TMEM181: variants seen among roughly 807,000 people sequenced by gnomAD.
TMEM181 encodes G protein-coupled receptor 178.
A neutral mutation model predicts 71.9 loss-of-function variants in TMEM181; 39 were observed. The observed-to-expected ratio is 0.54, with a 90% CI of 0.42 to 0.71. The LOEUF (loss-of-function observed/expected upper bound fraction) is 0.71. Ranked by LOEUF, TMEM181 falls within the 30% of genes least tolerant of loss-of-function variation. The probability of loss-of-function intolerance (pLI) is 0.00; values close to 1 mark genes in which losing one functional copy is unlikely to be tolerated. For synonymous variants in TMEM181, 245 were observed against 228.8 expected (o/e 1.07, Z -0.64); for missense variants, 595 against 583.0 (o/e 1.02, Z -0.21).
At chr6:158,536,741 G>T (rs375585407) in exon 1 of TMEM181, 19 of 1,576,462 alleles carry the variant, frequency 1.2e-5, no homozygotes, top group Non-Finnish European at 1.6e-5. Context: ...CGGCATGGAC[G>T]CCGAGTACCC....
chr6:158,626,878 A>G (rs530363836), intron 13 of TMEM181, among the ~76,000 whole-genome samples: 45 of 139,888 alleles, frequency 3.2e-4, no homozygotes, highest in South Asian at 7.0e-4. Context: ...TCACTCTCAC[A>G]CTCTCACACC....
intron 2 of TMEM181, among the ~76,000 whole-genome samples, chr6:158,578,002 ATC>A (rs1783258063): frequency 6.6e-6 from 1 of 152,194 alleles, no homozygotes; most frequent in South Asian, 2.1e-4. Flanking sequence ...AGGCAGGAGA[ATC>A]TCTTGAACCC....
intron 7 of TMEM181, 75 bp downstream of exon 7, chr6:158,605,422 G>C (rs1053163413): frequency 6.7e-6 from 9 of 1,351,804 alleles, no homozygotes; most frequent in African/African-American, 1.4e-5. Flanking sequence ...TAGGATCTTC[G>C]GTGCAAGCCA....
At chr6:158,629,429 T>C (rs1786534697) in intron 14 of TMEM181, among the ~76,000 whole-genome samples, 1 of 152,194 alleles carries the variant, frequency 6.6e-6, no homozygotes, top group South Asian at 2.1e-4. Context: ...ACTTGATCTC[T>C]TCTGGCCCTG....
intron 1 of TMEM181, among the ~76,000 whole-genome samples, chr6:158,537,097 G>T (rs1344387893): frequency 6.6e-6 from 1 of 151,906 alleles, no homozygotes; most frequent in Non-Finnish European, 1.5e-5. Context: ...ATTCAGGGCA[G>T]CCCGGCGCCC....
At chr6:158,568,077 C>T (rs1782610430) in intron 1 of TMEM181, among the ~76,000 whole-genome samples, 1 of 151,840 alleles carries the variant, frequency 6.6e-6, no homozygotes, top group African/African-American at 2.4e-5. Flanking sequence ...GACTGGCGTG[C>T]TGGGGATGAA....
intron 1 of TMEM181, among the ~76,000 whole-genome samples, chr6:158,554,900 T>C (rs887287910): frequency 3.3e-5 from 5 of 152,238 alleles, no homozygotes; most frequent in Non-Finnish European, 7.3e-5. Flanking sequence ...TTTGCCCCGA[T>C]AGGTAATCTA....
At chr6:158,627,549 C>T (rs1203828690) in intron 13 of TMEM181, among the ~76,000 whole-genome samples, 1 of 152,222 alleles carries the variant, frequency 6.6e-6, no homozygotes, top group Non-Finnish European at 1.5e-5. Context: ...CGACATTTGG[C>T]TGAGGACCTG....
chr6:158,628,188 T>TGC, intron 13 of TMEM181: 1 of 687,092 alleles, frequency 1.5e-6, no homozygotes, highest in Non-Finnish European at 2.7e-6. Flanking sequence ...CCGGTGGGTC[T>TGC]AGCCCACCTA....
chr6:158,576,757 C>G (rs1328220088), intron 2 of TMEM181, among the ~76,000 whole-genome samples: 2 of 152,112 alleles, frequency 1.3e-5, no homozygotes, highest in Non-Finnish European at 2.9e-5. Flanking sequence ...TAAGTGTCCA[C>G]TTTTAAACAA....
chr6:158,582,303 T>C (rs1039708087), intron 3 of TMEM181, among the ~76,000 whole-genome samples: 8 of 152,188 alleles, frequency 5.3e-5, no homozygotes, highest in Non-Finnish European at 1.0e-4. Context: ...GCCATTCCAC[T>C]GAACTGACTT....
At chr6:158,631,495 GCAT>G in intron 16 of TMEM181, 106 bp downstream of exon 16, 1 of 1,257,834 alleles carries the variant, frequency 8.0e-7, no homozygotes. Context: ...AGGTATGAAG[GCAT>G]TTACCTTGGA....
At position 158,594,577 on chromosome 6, in the gene TMEM181, A is replaced by C. The variant is rs149650544; in HGVS notation, c.492+4795A>C. On this transcript the variant is annotated intron_variant, in intron 6 of 16. Coordinates refer to ENST00000684151, the MANE Select transcript of TMEM181 (RefSeq NM_001376852.1). The stretch of plus-strand genomic sequence containing the variant: ...TGGATGTACTGCAGCTTGTTTGTCC[A>C]TTGGCTGAAGGACAACATCTTGGTT... 2.9e-3 allele frequency among the ~76,000 whole-genome samples: 442 copies of C among 152,326 alleles called. 3 individuals carry two copies. The highest frequency in any genetic ancestry group is 0.01 in the African/African-American group (418 of 41,576).
At chr6:158,622,718 G>C (rs1039827449) in intron 10 of TMEM181, among the ~76,000 whole-genome samples, 2 of 152,166 alleles carry the variant, frequency 1.3e-5, no homozygotes, top group Non-Finnish European at 2.9e-5. Context: ...TGACACATTC[G>C]TTTTTGCTTA....
At chr6:158,537,219 C>G (rs911254548) in intron 1 of TMEM181, among the ~76,000 whole-genome samples, 7 of 152,048 alleles carry the variant, frequency 4.6e-5, no homozygotes, top group African/African-American at 1.2e-4. Flanking sequence ...GTTCTCCCCC[C>G]GCGCCCGCCT....
intron 1 of TMEM181, among the ~76,000 whole-genome samples, chr6:158,545,067 C>G (rs745565517): frequency 6.6e-6 from 1 of 152,236 alleles, no homozygotes; most frequent in African/African-American, 2.4e-5. Context: ...TGCTGCCCAC[C>G]GCTCAGGGGC....
chr6:158,564,865 G>A (rs1782395997), intron 1 of TMEM181, among the ~76,000 whole-genome samples: 1 of 152,226 alleles, frequency 6.6e-6, no homozygotes, highest in South Asian at 2.1e-4. Context: ...GTGTGAGAAT[G>A]GGCTGGGAGA....
At chr6:158,540,962 G>A (rs1781319088) in intron 1 of TMEM181, among the ~76,000 whole-genome samples, 1 of 152,174 alleles carries the variant, frequency 6.6e-6, no homozygotes, top group Non-Finnish European at 1.5e-5. Flanking sequence ...TAGAGACGAG[G>A]TCTCACTATG....
intron 1 of TMEM181, among the ~76,000 whole-genome samples, chr6:158,564,913 C>A (rs1016849372): frequency 6.6e-6 from 1 of 152,178 alleles, no homozygotes; most frequent in Non-Finnish European, 1.5e-5. Context: ...CCTAATTTGT[C>A]AATTCTCATG....
Sources: allele counts gnomAD v4.1 joint callset (sites outside exome capture counted in the v4.1 genomes callset), GRCh38; gene constraint gnomAD v4.1.1; transcripts MANE v1.5; gene names NCBI Gene and HGNC (gene_info 2026-07-23, HGNC 2026-07-21).